TMEM160: variants seen among roughly 807,000 people sequenced by gnomAD.
TMEM160 encodes the protein transmembrane protein 160.
TMEM160 carries 10 observed loss-of-function variants against 13.9 expected under a neutral mutation model. The ratio of observed to expected loss-of-function variants is 0.72; its 90% CI spans 0.45 to 1.22. TMEM160 has a LOEUF of 1.22. Among genes scored for constraint, TMEM160 ranks in the 50% most tolerant of loss-of-function variants. TMEM160 has a pLI of 0.00. For synonymous variants in TMEM160, 159 were observed against 134.8 expected (o/e 1.18, Z -1.25); for missense variants, 287 against 283.2 (o/e 1.01, Z -0.10).
At chr19:47,047,933 C>A (rs2057089520) in intron 1 of TMEM160, 1 of 985,266 alleles carries the variant, frequency 1.0e-6, no homozygotes, top group South Asian at 4.7e-5. Flanking sequence ...CCCTCTGCAG[C>A]CTAGATCACC....
intron 1 of TMEM160, among the ~76,000 whole-genome samples, chr19:47,047,038 T>A (rs1051850731): frequency 6.6e-6 from 1 of 152,032 alleles, no homozygotes; most frequent in Non-Finnish European, 1.5e-5. Flanking sequence ...AGTCAAACCC[T>A]GTCTCTACTA....
chr19:47,048,384 C>T (rs1449108733), intron 1 of TMEM160, 23 bp downstream of exon 1: 1 of 1,485,352 alleles, frequency 6.7e-7, no homozygotes, highest in Non-Finnish European at 8.9e-7. Flanking sequence ...CCATCCGCAC[C>T]GCCCCCACCC....
chr19:47,048,343 C>T, intron 1 of TMEM160, 64 bp downstream of exon 1: 1 of 1,341,468 alleles, frequency 7.5e-7, no homozygotes, highest in Non-Finnish European at 9.9e-7. Context: ...CCCGCCCCAT[C>T]AAGGTCCCAC....
At chr19:47,046,930 G>T (rs544281030) in intron 1 of TMEM160, among the ~76,000 whole-genome samples, 39 of 152,254 alleles carry the variant, frequency 2.6e-4, no homozygotes, top group African/African-American at 9.4e-4. Flanking sequence ...AGGATTCAAG[G>T]GCCGGGTGTG....
In TMEM160 at chr19:47,045,951, C is replaced by T. The variant is rs940704540; in HGVS notation, c.*36G>A. On this transcript the variant is annotated 3_prime_UTR_variant, in exon 3 of 3. Transcript: ENST00000253047. ...GGTTTAATGTCCCAGTCCTCGGGCG[C>T]TGTCCAGCGCCTGCCAGGCCCCACG... 1 of 1,506,654 alleles carries T rather than the reference C, an allele frequency of 6.6e-7. No homozygotes were observed. Among genetic ancestry groups the T allele is most frequent in the Non-Finnish European group, 8.8e-7 (1 of 1,136,072 alleles). 93.3% of individuals were successfully genotyped at this position (1,506,654 alleles called of 1,614,324 possible).
Position 47,048,438 on chromosome 19 carries a change from G to A in TMEM160, c.177C>T (p.Asp59=). Residue 59 remains aspartate, a synonymous_variant, in exon 1 of 3, where the codon GAC becomes GAT. Transcript: ENST00000253047. ...CGTGCGCTTTTCGGAGGAGCCAGGC[G>A]TCCGCACGATCCAGCTCGGACACTG... ...PPPVSELDRA[D]AWLLRKAHET... The A allele has an allele frequency of 6.9e-7, 1 of 1,448,884 alleles. No individual in the cohort carries two copies. The highest frequency in any genetic ancestry group is 9.0e-7 in the Non-Finnish European group (1 of 1,111,956). 89.8% of individuals were successfully genotyped at this position (1,448,884 alleles called of 1,614,324 possible).
rs1056049869 is a variant in TMEM160, at chr19:47,046,026, C to T, written c.528G>A (p.Ala176=). Residue 176 remains alanine, a synonymous_variant, in exon 3 of 3, where the codon GCG becomes GCA. Coordinates refer to ENST00000253047, the MANE Select transcript of TMEM160 (RefSeq NM_017854.2). Reference sequence around the variant, plus strand: ...GCCGACCCGCCTCATCAGGGCCTTCCGCGGAGGCCGTCCCGTCGTCCTCGG... The same window carrying T: ...GCCGACCCGCCTCATCAGGGCCTTCTGCGGAGGCCGTCCCGTCGTCCTCGG... The part of the protein sequence containing the change: ...LVPEDDGTAS[A]EGPDEAGRPP... 50 of 1,549,130 alleles carry T rather than the reference C, an allele frequency of 3.2e-5. No homozygotes were observed. Among genetic ancestry groups the T allele is most frequent in the Non-Finnish European group, 4.2e-5 (49 of 1,154,770 alleles).
At position 47,046,137 on chromosome 19, in the gene TMEM160, C is replaced by T. The variant is rs1389345690; in HGVS notation, c.417G>A (p.Ala139=). 1 of 1,478,418 alleles carries T rather than the reference C, an allele frequency of 6.8e-7. No individual in the cohort carries two copies. The highest frequency in any genetic ancestry group is 2.0e-4 in the Middle Eastern group (1 of 5,032). 91.6% of individuals were successfully genotyped at this position (1,478,418 alleles called of 1,614,324 possible). A position where few individuals can be genotyped will look rare whatever the true frequency, so the allele number is the denominator to read the frequency against. Residue 139 remains alanine, a synonymous_variant, in exon 3 of 3, where the codon GCG becomes GCA. Coordinates refer to ENST00000253047, the MANE Select transcript of TMEM160 (RefSeq NM_017854.2). ...QLTLGGAAVG[A]GAVLAASLLW... ...GCAGGCTGGCGGCCAGCACGGCGCC[C>T]GCGCCCACGGCCGCGCCCCCCAGCG...
chr19:47,047,867 A>C (rs913478808), intron 1 of TMEM160: 42 of 984,168 alleles, frequency 4.3e-5, no homozygotes, highest in Admixed American at 6.2e-5. Context: ...AATTAAAAAA[A>C]AAACAAACAT....
In TMEM160 at chr19:47,046,248, G is replaced by A. The variant is rs1328024899; in HGVS notation, c.306C>T (p.Phe102=). Reference sequence around the variant, plus strand: ...CCACGCACAGGCCGCCCAGCAGGAAGAAGCCTGCGGGAGAGGCAGGGTAGC... The same window carrying A: ...CCACGCACAGGCCGCCCAGCAGGAAAAAGCCTGCGGGAGAGGCAGGGTAGC... ...SDMGREAAYG[F]FLLGGLCVVW... The change falls in exon 3 of 3, where the codon TTC becomes TTT. Residue 102 remains phenylalanine, a synonymous_variant. Transcript: ENST00000253047. 2.0e-6 allele frequency: 3 copies of A among 1,536,146 alleles called. No homozygotes were observed. The highest frequency in any genetic ancestry group is 2.4e-5 in the East Asian group (1 of 41,026).
chr19:47,046,236 GC>G lies in TMEM160; in HGVS notation c.317del (p.Gly106AlafsTer25). The G allele has an allele frequency of 6.5e-7, 1 of 1,536,528 alleles. No homozygotes were observed. ...CGCTGCCCCACACCACGCACAGGCC[GC>G]CCAGCAGGAAGAAGCCTGCGGGAGA... ...REAAYGFFLL[G>X]GLCVVWGSAS... On this transcript the variant is annotated frameshift_variant, in exon 3 of 3. Transcript: ENST00000253047. LOFTEE classifies it high-confidence loss of function.
intron 1 of TMEM160, among the ~76,000 whole-genome samples, chr19:47,048,049 T>C (rs969125645): frequency 1.4e-5 from 2 of 147,630 alleles, no homozygotes; most frequent in Admixed American, 1.3e-4. Flanking sequence ...CTCTGCACAG[T>C]GGTGGCCTCT....
chr19:47,048,330 GC>G, intron 1 of TMEM160, 76 bp downstream of exon 1: 1 of 1,250,168 alleles, frequency 8.0e-7, no homozygotes, highest in Non-Finnish European at 1.1e-6. Flanking sequence ...TCCTGCAGAA[GC>G]CCCCGCCCCA....
chr19:47,046,968 T>G (rs941020422), intron 1 of TMEM160, among the ~76,000 whole-genome samples: 4 of 152,158 alleles, frequency 2.6e-5, no homozygotes, highest in African/African-American at 9.7e-5. Flanking sequence ...TCCCAGCACT[T>G]TGGGAGGCCA....
In TMEM160 at chr19:47,046,241, G is replaced by A. The variant is rs1395028571; in HGVS notation, c.313C>T (p.Leu105=). ...CCCCACACCACGCACAGGCCGCCCA[G>A]CAGGAAGAAGCCTGCGGGAGAGGCA... ...GREAAYGFFL[L]GGLCVVWGSA... is the part of the protein sequence containing the mutation. The change falls in exon 3 of 3, where the codon CTG becomes TTG. Residue 105 remains leucine, a synonymous_variant. Transcript: ENST00000253047. The A allele has an allele frequency of 1.3e-6, 2 of 1,536,458 alleles. No homozygotes were observed. The highest frequency in any genetic ancestry group is 2.4e-5 in the South Asian group (2 of 83,882).
chr19:47,048,006 T>TC lies in TMEM160; in HGVS notation c.208+400dup, dbSNP rs1243044401. The TC allele has an allele frequency of 3.5e-6, 3 of 867,306 alleles. No homozygotes were observed. In the African/African-American group the frequency reaches 5.5e-5, roughly 16 times the overall value. The allele number at this position is 867,306 out of a possible 1,614,324, so 53.7% of individuals were successfully genotyped here. On this transcript the variant is annotated intron_variant, in intron 1 of 2. Coordinates refer to ENST00000253047, the MANE Select transcript of TMEM160 (RefSeq NM_017854.2). ...TTGTCCCCTTCTCCAATCCTGAACT[T>TC]CCCCCTCTTCTGCGGGGATCCACAC...
rs757076425 is a variant in TMEM160 at position 47,048,404 on chromosome 19, G to T, written c.208+3C>A. 38 of 1,488,358 alleles carry T rather than the reference G, an allele frequency of 2.6e-5. No homozygotes were observed. The African/African-American group carries it at 5.1e-4, about 20-fold the overall frequency. The allele number at this position is 1,488,358 out of a possible 1,614,324, so 92.2% of individuals were successfully genotyped here. A position where few individuals can be genotyped will look rare whatever the true frequency, so the allele number is the denominator to read the frequency against. ...CGCACCGCCCCCACCCCTAGCCACC[G>T]ACCTGTCTCGTGCGCTTTTCGGAGG... On this transcript the variant is annotated splice_donor_region_variant and intron_variant, in intron 1 of 2. Transcript: ENST00000253047.
chr19:47,047,553 C>G, intron 1 of TMEM160: 1 of 976,566 alleles, frequency 1.0e-6, no homozygotes, highest in Non-Finnish European at 1.2e-6. Flanking sequence ...CACCCTATAT[C>G]TAGATGCCCG....
chr19:47,048,383 C>T, intron 1 of TMEM160, 24 bp downstream of exon 1: 2 of 1,483,422 alleles, frequency 1.3e-6, no homozygotes, highest in Non-Finnish European at 8.9e-7. Flanking sequence ...CCCATCCGCA[C>T]CGCCCCCACC....
Sources: allele counts gnomAD v4.1 joint callset (sites outside exome capture counted in the v4.1 genomes callset), GRCh38; gene constraint gnomAD v4.1.1; transcripts MANE v1.5; gene names NCBI Gene and HGNC (gene_info 2026-07-23, HGNC 2026-07-21).